DDX60: variants seen among roughly 807,000 people sequenced by gnomAD.
The protein encoded by DDX60 is DExD/H-box helicase 60, also known as probable ATP-dependent RNA helicase DDX60.
In DDX60, 165 loss-of-function variants were observed where a neutral mutation model predicts 212.8. That is an observed-to-expected ratio of 0.78 (90% CI 0.68 to 0.88). DDX60 has a LOEUF of 0.88. Ranked by LOEUF, DDX60 falls within the 40% of genes least tolerant of loss-of-function variation. The pLI is 0.00. For synonymous variants in DDX60, 703 were observed against 685.3 expected, an observed-to-expected ratio of 1.03 and a Z score of -0.40; for missense variants, 1,905 against 2,003.9, an observed-to-expected ratio of 0.95 and a Z score of 0.94.
At chr4:168,305,059 T>TTTAGA (rs142496183) in intron 5 of DDX60, among the ~76,000 whole-genome samples, 1,865 of 152,314 alleles carry the variant, frequency 0.012, 36 homozygotes, top group African/African-American at 0.042. Context: ...CTTTTCTATG[T>TTTAGA]TTAGATATGC....
chr4:168,284,717 T>C (rs1337714790), intron 12 of DDX60, 103 bp downstream of exon 12: 4 of 545,008 alleles, frequency 7.3e-6, no homozygotes, highest in Non-Finnish European at 1.3e-5. Flanking sequence ...CTATTTTCAT[T>C]CAAAAAAATT....
chr4:168,285,341 A>T (rs1453963284), intron 11 of DDX60, 52 bp downstream of exon 11: 1 of 999,706 alleles, frequency 1.0e-6, no homozygotes, highest in African/African-American at 1.6e-5. Flanking sequence ...TCGTTGAGTA[A>T]CTCATGTATT....
At chr4:168,285,573 C>T (rs958027051) in intron 10 of DDX60, 75 bp from the exon 11 acceptor site, 6 of 859,006 alleles carry the variant, frequency 7.0e-6, no homozygotes, top group African/African-American at 1.7e-5. Context: ...ATATTATTTT[C>T]TAAAACTTCA....
intron 29 of DDX60, among the ~76,000 whole-genome samples, chr4:168,247,882 C>G (rs564026378): frequency 6.6e-6 from 1 of 152,180 alleles, no homozygotes; most frequent in Non-Finnish European, 1.5e-5. Flanking sequence ...ATCTTCCATA[C>G]AAATCACTTA....
chr4:168,275,865 A>C, intron 15 of DDX60, 150 bp downstream of exon 15: 3 of 612,760 alleles, frequency 4.9e-6, no homozygotes, highest in South Asian at 7.0e-5. Context: ...ATTATGTATT[A>C]CTTCAAGATT....
chr4:168,268,169 A>G (rs1224105580), intron 20 of DDX60, among the ~76,000 whole-genome samples, 186 bp from the exon 21 acceptor site: 2 of 152,192 alleles, frequency 1.3e-5, no homozygotes, highest in East Asian at 3.8e-4. Context: ...TTGGTTGAAT[A>G]ACTTCATCTT....
Position 168,221,719 on chromosome 4 carries a change from A to G in DDX60, c.4976+11T>C. 6.3e-7 allele frequency: 1 copy of G among 1,587,856 alleles called. No individual in the cohort carries two copies. The highest frequency in any genetic ancestry group is 8.6e-7 in the Non-Finnish European group (1 of 1,160,672). ...AGGACAGAGAAACAGAGACAGACAG[A>G]GAGGACATACCTGTTATCCTGGACT... is the stretch of plus-strand genomic sequence containing the variant. On this transcript the variant is annotated intron_variant, in intron 36 of 37. Coordinates refer to ENST00000393743, the MANE Select transcript of DDX60 (RefSeq NM_017631.6).
intron 30 of DDX60, among the ~76,000 whole-genome samples, chr4:168,244,925 A>AATTATAAC (rs1299834330): frequency 6.6e-6 from 1 of 152,184 alleles, no homozygotes; most frequent in East Asian, 1.9e-4. Context: ...TCAATTTAAA[A>AATTATAAC]ATTATAACTT....
upstream of DDX60, among the ~76,000 whole-genome samples, chr4:168,322,191 C>T (rs2149563596): frequency 2.0e-5 from 3 of 152,316 alleles, 1 homozygote; most frequent in Middle Eastern, 0.01. Flanking sequence ...GTTTGTACAG[C>T]CCCTCTCTTC....
intron 33 of DDX60, among the ~76,000 whole-genome samples, chr4:168,233,372 G>A (rs1449305517): frequency 6.6e-6 from 1 of 152,014 alleles, no homozygotes; most frequent in Admixed American, 6.6e-5. Context: ...CTACCCAGAG[G>A]AAAAGAAGTC....
intron 37 of DDX60, among the ~76,000 whole-genome samples, chr4:168,219,799 G>C (rs1732986018): frequency 6.6e-6 from 1 of 152,100 alleles, no homozygotes; most frequent in African/African-American, 2.4e-5. Context: ...CACTTTGGGA[G>C]GGCAAGGCAG....
intron 30 of DDX60, among the ~76,000 whole-genome samples, chr4:168,239,058 G>GA (rs1733742321): frequency 6.6e-6 from 1 of 151,938 alleles, no homozygotes; most frequent in Non-Finnish European, 1.5e-5. Flanking sequence ...TGATAAAATA[G>GA]AAAAACACAC....
intron 37 of DDX60, among the ~76,000 whole-genome samples, chr4:168,218,523 C>T (rs145264891): frequency 2.6e-5 from 4 of 152,282 alleles, no homozygotes; most frequent in African/African-American, 7.2e-5. Context: ...AGCCTTTGCA[C>T]CTACATATTT....
Position 168,221,724 on chromosome 4 carries a change from A to ACATACCTGT in DDX60, c.4973_4976+5dup, listed in dbSNP as rs1560807815. 2 of 1,603,018 alleles carry ACATACCTGT rather than the reference A, an allele frequency of 1.2e-6. No individual in the cohort carries two copies. The highest frequency in any genetic ancestry group is 1.7e-4 in the Middle Eastern group (1 of 6,030). ...AGAGAAACAGAGACAGACAGAGAGG[A>ACATACCTGT]CATACCTGTTATCCTGGACTAATCC... On this transcript the variant is annotated splice_donor_region_variant and intron_variant, in intron 36 of 37. Coordinates refer to ENST00000393743, the MANE Select transcript of DDX60 (RefSeq NM_017631.6).
intron 30 of DDX60, 22 bp downstream of exon 30, chr4:168,246,396 C>T (rs372819256): frequency 3.7e-4 from 593 of 1,613,036 alleles, no homozygotes; most frequent in Non-Finnish European, 4.7e-4. Flanking sequence ...GACTGAACCT[C>T]AGGCAGTGTC....
chr4:168,224,116 T>C, intron 35 of DDX60, 127 bp downstream of exon 35: 3 of 983,986 alleles, frequency 3.0e-6, no homozygotes, highest in Non-Finnish European at 4.5e-6. Flanking sequence ...AATATATCTG[T>C]TGATACACCC....
chr4:168,292,096 T>G (rs1291615962), intron 7 of DDX60, among the ~76,000 whole-genome samples, 190 bp from the exon 8 acceptor site: 1 of 144,382 alleles, frequency 6.9e-6, no homozygotes, highest in African/African-American at 2.6e-5. Flanking sequence ...TCACCCAGGC[T>G]GGAGTGAAGT....
intron 19 of DDX60, 25 bp downstream of exon 19, chr4:168,272,018 A>G (rs749288591): frequency 6.5e-7 from 1 of 1,528,012 alleles, no homozygotes; most frequent in South Asian, 1.2e-5. Flanking sequence ...TAGGGAATTA[A>G]GCAAAGAAAG....
intron 10 of DDX60, among the ~76,000 whole-genome samples, chr4:168,286,423 G>GAGATAGAT (rs71977398): frequency 0.017 from 2,343 of 136,924 alleles, 18 homozygotes; most frequent in Middle Eastern, 0.021. Context: ...CACACCACAC[G>GAGATAGAT]AGATAGATAG....
Sources: allele counts gnomAD v4.1 joint callset (sites outside exome capture counted in the v4.1 genomes callset), GRCh38; gene constraint gnomAD v4.1.1; transcripts MANE v1.5; gene names NCBI Gene and HGNC (gene_info 2026-07-23, HGNC 2026-07-21).